The following NLRP11 variants were observed in gnomAD, a reference collection of about 807,000 sequenced individuals.
NLRP11 encodes NLR family pyrin domain containing 11.
In NLRP11, 53 loss-of-function variants were observed where a neutral mutation model predicts 79.3. The ratio of observed to expected loss-of-function variants is 0.67; its 90% CI spans 0.54 to 0.84. NLRP11 has a LOEUF of 0.84. Among genes scored for constraint, NLRP11 ranks in the 40% least tolerant of loss-of-function variants. The pLI is 0.00. For missense variants in NLRP11, 1,264 were observed against 1,255.0 expected (o/e 1.01, Z -0.11); for synonymous variants, 518 against 462.6 (o/e 1.12, Z -1.54).
At chr19:55,818,975 C>A (rs2122875452) in intron 1 of NLRP11, among the ~76,000 whole-genome samples, 1 of 152,164 alleles carries the variant, frequency 6.6e-6, no homozygotes, top group Admixed American at 6.6e-5. Context: ...CCATGTAGAG[C>A]CTGCCCGCTT....
chr19:55,817,293 C>T (rs780697198), intron 2 of NLRP11, among the ~76,000 whole-genome samples: 6 of 152,116 alleles, frequency 3.9e-5, no homozygotes, highest in Non-Finnish European at 5.9e-5. Flanking sequence ...AAAAGTAGAA[C>T]GACCATTTGA....
At chr19:55,794,798 T>C (rs1978657970) in intron 6 of NLRP11, among the ~76,000 whole-genome samples, 1 of 152,160 alleles carries the variant, frequency 6.6e-6, no homozygotes, top group South Asian at 2.1e-4. Context: ...TAATGCGATA[T>C]TACATAATAT....
chr19:55,808,331 A>G (rs146366437), intron 3 of NLRP11, among the ~76,000 whole-genome samples: 4 of 152,226 alleles, frequency 2.6e-5, no homozygotes, highest in Admixed American at 2.6e-4. Context: ...ATAATGTAAC[A>G]ATACAAGGTT....
intron 5 of NLRP11, among the ~76,000 whole-genome samples, chr19:55,796,941 G>A (rs938723329): frequency 6.6e-6 from 1 of 151,948 alleles, no homozygotes; most frequent in African/African-American, 2.4e-5. Context: ...CACCCGCCTC[G>A]GCCTCCCAAA....
In NLRP11 at chr19:55,809,120, C is replaced by A; in HGVS notation, c.1490G>T (p.Gly497Val). The change falls in exon 3 of 10, where the codon GGT becomes GTT. Residue 497 changes from glycine to valine, a missense_variant. Coordinates refer to ENST00000589093, the Ensembl canonical transcript of NLRP11. This position sits in a 1 kb window ranked among gnomAD's most constrained non-coding sequence, Gnocchi z 4.5. ...CTTTCTCCTGTTTGCATTTAGAAGA[C>A]CAAAAATGAAAGTAAACACTTGATT... is the stretch of plus-strand genomic sequence containing the variant. The A allele has an allele frequency of 6.2e-7, 1 of 1,613,778 alleles. No homozygotes were observed. The highest frequency in any genetic ancestry group is 8.5e-7 in the Non-Finnish European group (1 of 1,179,968).
chr19:55,833,234 A>G (rs1982947747), upstream of NLRP11, among the ~76,000 whole-genome samples: 1 of 152,244 alleles, frequency 6.6e-6, no homozygotes, highest in African/African-American at 2.4e-5. Context: ...ATTCTTGTAC[A>G]GGAATTATTA....
At position 55,817,878 on chromosome 19, in the gene NLRP11, C is replaced by T. The variant is rs768912593; in HGVS notation, c.271+26G>A. Reference sequence around the variant, plus strand: ...TTCCTGTGAAGTGCCCTGATTTCTGCCCACCCTTCTCGTGACCCCACTCAC... The same window carrying T: ...TTCCTGTGAAGTGCCCTGATTTCTGTCCACCCTTCTCGTGACCCCACTCAC... On this transcript the variant is annotated intron_variant, in intron 2 of 9. Coordinates refer to ENST00000589093, the Ensembl canonical transcript of NLRP11. The T allele has an allele frequency of 3.2e-6, 5 of 1,570,012 alleles. No individual in the cohort carries two copies. The South Asian group carries it at 5.9e-5, about 18-fold the overall frequency.
intron 1 of NLRP11, among the ~76,000 whole-genome samples, chr19:55,819,126 TACACACACACACACACAC>T (rs59055964): frequency 0.04 from 4,211 of 105,234 alleles, 108 homozygotes; most frequent in Middle Eastern, 0.069. Flanking sequence ...TGGTATCGCC[TACACACACACACACACAC>T]ACACACACAC....
rs573498342 is a variant in NLRP11 at position 55,801,494 on chromosome 19, T to C, written c.2171+78A>G. The C allele has an allele frequency of 4.2e-4, 479 of 1,147,318 alleles. 1 individual carries two copies. The African/African-American group carries it at 6.7e-3, about 16-fold the overall frequency. The allele number at this position is 1,147,318 out of a possible 1,614,324, so 71.1% of individuals were successfully genotyped here. A position where few individuals can be genotyped will look rare whatever the true frequency, so the allele number is the denominator to read the frequency against. ...CAAAAGGTAGGAGCAGGTAGTGTTA[T>C]TGAAGGGGCACCTCTATCCACCAAC... On this transcript the variant is annotated intron_variant, in intron 5 of 9. Coordinates refer to ENST00000589093, the Ensembl canonical transcript of NLRP11.
At position 55,785,493 on chromosome 19, in the gene NLRP11, TCACACACACACACACACACACA is replaced by T. The variant is rs878891245; in HGVS notation, c.*110_*131del. 1.6e-3 allele frequency: 684 copies of T among 424,650 alleles called. 3 individuals carry two copies. The highest frequency in any genetic ancestry group is 0.013 in the African/African-American group (588 of 46,924). The allele number at this position is 424,650 out of a possible 1,614,324, so 26.3% of individuals were successfully genotyped here. A position where few individuals can be genotyped will look rare whatever the true frequency, so the allele number is the denominator to read the frequency against. On this transcript the variant is annotated 3_prime_UTR_variant, in exon 10 of 10. Coordinates refer to ENST00000589093, the Ensembl canonical transcript of NLRP11. ...TTTGAAGTGGTTGACTGGATCAAGGTCACACACACACACACACACACACACACACACACACACACACACACAT... is the reference window on the plus strand; with the variant it reads ...TTTGAAGTGGTTGACTGGATCAAGGTCACACACACACACACACACACACAT...
intron 4 of NLRP11, among the ~76,000 whole-genome samples, chr19:55,806,860 C>T (rs1600187611): frequency 6.6e-6 from 1 of 152,022 alleles, no homozygotes; most frequent in African/African-American, 2.4e-5. Context: ...TTCATGGATC[C>T]CTCCCATCCC....
intron 1 of NLRP11, among the ~76,000 whole-genome samples, chr19:55,822,895 C>G: frequency 6.6e-6 from 1 of 152,246 alleles, no homozygotes; most frequent in East Asian, 1.9e-4. Context: ...GAAGCTGGAA[C>G]TGGGGGGAGC....
chr19:55,815,294 C>T (rs973686481), intron 2 of NLRP11, among the ~76,000 whole-genome samples: 1 of 151,966 alleles, frequency 6.6e-6, no homozygotes, highest in Non-Finnish European at 1.5e-5. Context: ...TTTGGGAGGC[C>T]GAGGCGGGCG....
chr19:55,810,789 C>T (rs994483791), intron 2 of NLRP11, among the ~76,000 whole-genome samples: 3 of 152,176 alleles, frequency 2.0e-5, no homozygotes, highest in African/African-American at 2.4e-5. Flanking sequence ...TGAGCCACTG[C>T]GCCCGGCCCA....
chr19:55,807,933 A>G (rs1434791311), exon 4 of NLRP11: 1 of 1,611,286 alleles, frequency 6.2e-7, no homozygotes, highest in Non-Finnish European at 8.5e-7. Flanking sequence ...GGTCATTGTC[A>G]AAGATATGCA....
At chr19:55,807,519 G>A (rs932444461) in intron 4 of NLRP11, among the ~76,000 whole-genome samples, 11 of 151,992 alleles carry the variant, frequency 7.2e-5, no homozygotes, top group African/African-American at 2.4e-4. Context: ...AGGTAAACAG[G>A]CCAATGAGAT....
At position 55,795,650 on chromosome 19, in the gene NLRP11, C is replaced by T. The variant is rs370263004; in HGVS notation, c.2342+430G>A. 1.4e-3 allele frequency among the ~76,000 whole-genome samples: 211 copies of T among 152,122 alleles called. 2 individuals carry two copies. The highest frequency in any genetic ancestry group is 2.4e-3 in the Non-Finnish European group (160 of 67,998). Reference sequence around the variant, plus strand: ...GACTACAGGTACCCGCCACCACGCCCGGCTAATTTTTGTATTTTTAGTAGA... The same window carrying T: ...GACTACAGGTACCCGCCACCACGCCTGGCTAATTTTTGTATTTTTAGTAGA... On this transcript the variant is annotated intron_variant, in intron 6 of 9. Transcript: ENST00000589093.
At chr19:55,801,329 A>T (rs940818440) in intron 5 of NLRP11, among the ~76,000 whole-genome samples, 11 of 152,200 alleles carry the variant, frequency 7.2e-5, no homozygotes, top group Non-Finnish European at 1.3e-4. Flanking sequence ...GAGGAATTAG[A>T]TCATTAGAGA....
At position 55,810,090 on chromosome 19, in the gene NLRP11, C is replaced by T. The variant is rs146544608; in HGVS notation, c.520G>A (p.Glu174Lys). 188 of 1,614,186 alleles carry T rather than the reference C, an allele frequency of 1.2e-4. No homozygotes were observed. In the African/African-American group the frequency reaches 2.2e-3, roughly 19 times the overall value. ...TACGAGATCATGTTCTGCCACATCT[C>T]ACCCTTGATCCACCTCAACACAGCC... Residue 174 changes from glutamate (E) to lysine (K), a missense_variant, in exon 3 of 10, where the codon GAG becomes AAG. By Grantham distance (56) the Glu-to-Lys change is moderately conservative. Coordinates refer to ENST00000589093, the Ensembl canonical transcript of NLRP11.
Sources: allele counts gnomAD v4.1 joint callset (sites outside exome capture counted in the v4.1 genomes callset), GRCh38; gene constraint gnomAD v4.1.1; non-coding constraint Gnocchi (gnomAD v3.1); transcripts MANE v1.5; gene names NCBI Gene and HGNC (gene_info 2026-07-23, HGNC 2026-07-21).